LITAF: variants seen among roughly 807,000 people sequenced by gnomAD.
LITAF encodes the protein lipopolysaccharide-induced tumor necrosis factor-alpha factor.
A neutral mutation model predicts 14.5 loss-of-function variants in LITAF; 9 were observed. The observed-to-expected ratio is 0.62, with a 90% CI of 0.37 to 1.08. The LOEUF is 1.08. Among genes scored for constraint, LITAF ranks in the 50% least tolerant of loss-of-function variants. LITAF has a pLI of 0.01. For synonymous variants in LITAF, 98 were observed against 88.2 expected, an observed-to-expected ratio of 1.11 and a Z score of -0.62; for missense variants, 206 against 213.4, an observed-to-expected ratio of 0.97 and a Z score of 0.22.
At chr16:11,631,393 T>C (rs975470445) in intron 3 of LITAF, among the ~76,000 whole-genome samples, 1 of 152,116 alleles carries the variant, frequency 6.6e-6, no homozygotes, top group African/African-American at 2.4e-5. Context: ...ACTCTGCACA[T>C]GGCTTTTTGT....
At position 11,595,108 on chromosome 16, in the gene LITAF, C is replaced by G. The variant is rs183768625; in HGVS notation, c.-6+3280G>C. ...CCCCCACTGACTGGTCTGTGTTACCCATTAACGACCAATTCCGGTCACTCA... is the reference window on the plus strand; with the variant it reads ...CCCCCACTGACTGGTCTGTGTTACCGATTAACGACCAATTCCGGTCACTCA... On this transcript the variant is annotated intron_variant, in intron 1 of 3. Transcript: ENST00000571627. Among the ~76,000 whole-genome samples the G allele has an allele frequency of 2.0e-5, 3 of 152,268 alleles. No individual in the cohort carries two copies. The East Asian group carries it at 5.8e-4, about 29-fold the overall frequency.
At chr16:11,627,798 T>C (rs1195998963) in intron 3 of LITAF, among the ~76,000 whole-genome samples, 2 of 152,020 alleles carry the variant, frequency 1.3e-5, no homozygotes, top group African/African-American at 4.8e-5. Flanking sequence ...GAGCCGAGAT[T>C]GTGCCACTGT....
At chr16:11,581,576 G>A (rs1422356255) in intron 1 of LITAF, among the ~76,000 whole-genome samples, 1 of 152,042 alleles carries the variant, frequency 6.6e-6, no homozygotes, top group Non-Finnish European at 1.5e-5. Flanking sequence ...CTGTGATCAC[G>A]CCACTGTACT....
chr16:11,585,181 C>T (rs183162176), intron 1 of LITAF, among the ~76,000 whole-genome samples: 13 of 148,904 alleles, frequency 8.7e-5, no homozygotes, highest in Admixed American at 6.0e-4. Flanking sequence ...TGCAGTGAGC[C>T]GAGATCGCAC....
At chr16:11,574,923 C>T (rs557104370) in intron 1 of LITAF, among the ~76,000 whole-genome samples, 4 of 152,248 alleles carry the variant, frequency 2.6e-5, no homozygotes, top group African/African-American at 9.6e-5. Flanking sequence ...CTGCCTCAGC[C>T]TCCCAAATAG....
chr16:11,557,013 T>C (rs2064280927), intron 1 of LITAF, among the ~76,000 whole-genome samples: 1 of 152,086 alleles, frequency 6.6e-6, no homozygotes, highest in African/African-American at 2.4e-5. Flanking sequence ...TCTTAAACCA[T>C]TACCAGACAA....
chr16:11,593,354 CAAAAA>C (rs57678584), intron 1 of LITAF, among the ~76,000 whole-genome samples: 1 of 54,752 alleles, frequency 1.8e-5, no homozygotes, highest in Non-Finnish European at 3.3e-5. Context: ...AACTCTGTCT[CAAAAA>C]AAAAAAAAAA....
intron 3 of LITAF, among the ~76,000 whole-genome samples, chr16:11,618,172 C>G (rs1031819519): frequency 6.6e-6 from 1 of 152,138 alleles, no homozygotes; most frequent in Non-Finnish European, 1.5e-5. Context: ...TGGCCATAAC[C>G]CATTTATTTA....
chr16:11,578,358 G>C (rs1183369202), intron 1 of LITAF, among the ~76,000 whole-genome samples: 1 of 152,098 alleles, frequency 6.6e-6, no homozygotes, highest in African/African-American at 2.4e-5. Flanking sequence ...GGGAGTTCGA[G>C]ACCAGCCTGG....
intron 3 of LITAF, among the ~76,000 whole-genome samples, chr16:11,619,011 A>AAAC (rs1281689138): frequency 7.4e-5 from 11 of 149,324 alleles, no homozygotes; most frequent in African/African-American, 2.7e-4. Context: ...ACAAACAAAC[A>AAAC]AAAAAAACCC....
At chr16:11,627,718 C>T (rs939206966) in intron 3 of LITAF, among the ~76,000 whole-genome samples, 1 of 152,170 alleles carries the variant, frequency 6.6e-6, no homozygotes, top group Non-Finnish European at 1.5e-5. Flanking sequence ...GTGGTGCACG[C>T]CTGTAGCCCC....
In LITAF at chr16:11,586,807, C is replaced by A. The variant is rs1434430333; in HGVS notation, c.-6+79G>T. The stretch of plus-strand genomic sequence containing the variant: ...AGCCAAGGGCTCAGTGCCCGGGGCC[C>A]CCAGCAGGTGCTGGCGCCACCGGCC... On this transcript the variant is annotated intron_variant, in intron 1 of 3. Transcript: ENST00000622633. This position sits in a 1 kb window ranked among gnomAD's most constrained non-coding sequence, Gnocchi z 6.5. 2.6e-5 allele frequency: 4 copies of A among 151,882 alleles called. No homozygotes were observed. The highest frequency in any genetic ancestry group is 6.6e-5 in the Admixed American group (1 of 15,194). The allele number at this position is 151,882 out of a possible 1,614,324, so 9.4% of individuals were successfully genotyped here. A position where few individuals can be genotyped will look rare whatever the true frequency, so the allele number is the denominator to read the frequency against.
upstream of LITAF, among the ~76,000 whole-genome samples, chr16:11,600,739 C>T (rs905414120): frequency 6.6e-6 from 1 of 152,184 alleles, no homozygotes; most frequent in African/African-American, 2.4e-5. The surrounding 1 kb of genome is among the most constrained non-coding windows in gnomAD (Gnocchi z 4.1). Context: ...AGACCCCAGA[C>T]CCAACCACAG....
chr16:11,550,304 G>T (rs2064164237), intron 3 of LITAF, among the ~76,000 whole-genome samples: 1 of 152,106 alleles, frequency 6.6e-6, no homozygotes. Flanking sequence ...TGGCCAGGCT[G>T]GTCTCAAACT....
intron 1 of LITAF, among the ~76,000 whole-genome samples, chr16:11,596,770 A>G (rs933320398): frequency 1.5e-5 from 1 of 66,174 alleles, no homozygotes. Context: ...GGAGAGGAGG[A>G]GGGGGAGGGG....
chr16:11,557,695 C>T (rs1035700840), intron 1 of LITAF, among the ~76,000 whole-genome samples: 4 of 152,190 alleles, frequency 2.6e-5, no homozygotes, highest in Non-Finnish European at 5.9e-5. Flanking sequence ...AAGTGAACCT[C>T]CCGCCTTGGC....
In LITAF at chr16:11,548,588, CTT is replaced by C. The variant is rs71778957; in HGVS notation, c.*1047_*1048del. On this transcript the variant is annotated 3_prime_UTR_variant, in exon 4 of 4. Coordinates refer to ENST00000622633, the MANE Select transcript of LITAF (RefSeq NM_001136472.2). ...TAGATGAAATTATCCATTTCTTTTTCTTTTTTTTTTTTTTAAGTGAGACTACA... is the reference window on the plus strand; with the variant it reads ...TAGATGAAATTATCCATTTCTTTTTCTTTTTTTTTTTTAAGTGAGACTACA... 6.9e-3 allele frequency: 2,877 copies of C among 414,468 alleles called. No homozygotes were observed. Among genetic ancestry groups the C allele is most frequent in the Middle Eastern group, 8.0e-3 (10 of 1,250 alleles). 25.7% of individuals were successfully genotyped at this position (414,468 alleles called of 1,614,324 possible).
At chr16:11,613,726 C>T (rs960084410) in intron 3 of LITAF, among the ~76,000 whole-genome samples, 4 of 152,126 alleles carry the variant, frequency 2.6e-5, no homozygotes, top group Admixed American at 6.6e-5. Context: ...GAGGGTGTGG[C>T]GTGTGCCGGC....
intron 1 of LITAF, among the ~76,000 whole-genome samples, chr16:11,564,280 G>A (rs1444134417): frequency 1.3e-5 from 2 of 152,002 alleles, no homozygotes; most frequent in Non-Finnish European, 2.9e-5. Context: ...CAGACCCAGC[G>A]ATCATCCGTG....
Sources: allele counts gnomAD v4.1 joint callset (sites outside exome capture counted in the v4.1 genomes callset), GRCh38; gene constraint gnomAD v4.1.1; non-coding constraint Gnocchi (gnomAD v3.1); transcripts MANE v1.5; gene names NCBI Gene and HGNC (gene_info 2026-07-23, HGNC 2026-07-21).